PKD2: variants seen among roughly 807,000 people sequenced by gnomAD.
The protein encoded by PKD2 is polycystin-2.
In PKD2, 48 loss-of-function variants were observed where a neutral mutation model predicts 105.9. That is an observed-to-expected ratio of 0.45 (90% CI 0.36 to 0.58). The LOEUF is 0.58. PKD2 is among the 20% of genes least tolerant of loss of function. The pLI is 0.00. For synonymous variants in PKD2, 464 were observed against 481.1 expected (o/e 0.96, Z 0.46); for missense variants, 1,078 against 1,255.3 (o/e 0.86, Z 2.13).
In PKD2 at chr4:88,045,083, A is replaced by G. The variant is rs139142221; in HGVS notation, c.1320-1559A>G. On this transcript the variant is annotated intron_variant, in intron 5 of 14. Coordinates refer to ENST00000237596, the MANE Select transcript of PKD2 (RefSeq NM_000297.4). ...ATATTTTAGTAAATTCTATTTATAG[A>G]AGGTCTTGAGTATTTCTTCTGCTTC... Among the ~76,000 whole-genome samples, 308 of 152,366 alleles carry G rather than the reference A, an allele frequency of 2.0e-3. 1 individual carries two copies. Among genetic ancestry groups the G allele is most frequent in the African/African-American group, 6.9e-3 (289 of 41,592 alleles).
At chr4:88,017,114 G>A (rs990319381) in intron 1 of PKD2, among the ~76,000 whole-genome samples, 2 of 151,998 alleles carry the variant, frequency 1.3e-5, no homozygotes, top group Admixed American at 1.3e-4. Flanking sequence ...ACTTGAGGCC[G>A]AGAATTCGAG....
intron 9 of PKD2, among the ~76,000 whole-genome samples, chr4:88,058,682 A>G (rs1406457056): frequency 6.6e-6 from 1 of 152,220 alleles, no homozygotes; most frequent in Non-Finnish European, 1.5e-5. Context: ...GAGACTGCCT[A>G]CAGAGAATAT....
intron 4 of PKD2, among the ~76,000 whole-genome samples, chr4:88,041,543 A>G (rs1052369322): frequency 5.9e-5 from 9 of 152,220 alleles, no homozygotes; most frequent in Non-Finnish European, 1.5e-5. Flanking sequence ...GTGAGGTCAC[A>G]TAGGATGTGC....
chr4:88,061,886 C>T lies in PKD2; in HGVS notation c.2020-20C>T. The T allele has an allele frequency of 8.6e-7, 1 of 1,160,592 alleles. No homozygotes were observed. Among genetic ancestry groups the T allele is most frequent in the Non-Finnish European group, 1.3e-6 (1 of 768,408 alleles). The allele number at this position is 1,160,592 out of a possible 1,614,324, so 71.9% of individuals were successfully genotyped here. ...TATGTTTCTTCCTTTAATTTTTGCC[C>T]TCCTTTCATTTACAAACAGAATATG... On this transcript the variant is annotated intron_variant, in intron 9 of 14. Coordinates refer to ENST00000237596, the MANE Select transcript of PKD2 (RefSeq NM_000297.4).
Position 88,077,672 on chromosome 4 carries a change from T to TTGTG in PKD2, c.*1979_*1980insGTGT. ...TATTATCTTTCCCTGTGTACTGGTA[T>TTGTG]TATTAAAAAGACATTACATACGCAA... On this transcript the variant is annotated 3_prime_UTR_variant, in exon 15 of 15. Transcript: ENST00000237596. The TTGTG allele has an allele frequency of 6.6e-6, 1 of 152,334 alleles. No homozygotes were observed. The allele number at this position is 152,334 out of a possible 1,614,324, so 9.4% of individuals were successfully genotyped here.
rs552429733 is a variant in PKD2 at position 88,058,493 on chromosome 4, A to ATAT, written c.2019+391_2019+393dup. Among the ~76,000 whole-genome samples, 12 of 152,286 alleles carry ATAT rather than the reference A, an allele frequency of 7.9e-5. No homozygotes were observed. The East Asian group carries it at 2.3e-3, about 29-fold the overall frequency. On this transcript the variant is annotated intron_variant, in intron 9 of 14. Transcript: ENST00000237596. ...ATATGCTTACATGCTTTTTAAACTC[A>ATAT]TATGTCAGCACTTTCGTAGTCACTT...
intron 2 of PKD2, among the ~76,000 whole-genome samples, chr4:88,033,050 T>C (rs891169095): frequency 1.4e-4 from 22 of 152,088 alleles, no homozygotes; most frequent in African/African-American, 5.3e-4. Flanking sequence ...CCACCAGAGT[T>C]TGTAGAGCTG....
intron 7 of PKD2, among the ~76,000 whole-genome samples, chr4:88,052,604 CAT>C (rs748156213): frequency 1.2e-4 from 19 of 152,238 alleles, no homozygotes; most frequent in African/African-American, 2.4e-4. Flanking sequence ...TATTGAGACT[CAT>C]GTGATCATTC....
chr4:88,062,353 T>C (rs987799986), intron 10 of PKD2, among the ~76,000 whole-genome samples: 4 of 152,150 alleles, frequency 2.6e-5, no homozygotes, highest in African/African-American at 9.7e-5. Flanking sequence ...GAAGGGAAGA[T>C]TATATAAAGG....
chr4:88,010,506 C>T (rs1726350186), intron 1 of PKD2, among the ~76,000 whole-genome samples: 1 of 152,214 alleles, frequency 6.6e-6, no homozygotes, highest in African/African-American at 2.4e-5. Flanking sequence ...CCCCTGCCCC[C>T]TTTGGATACT....
chr4:88,025,595 C>G (rs185353007), intron 2 of PKD2, among the ~76,000 whole-genome samples: 9 of 143,294 alleles, frequency 6.3e-5, no homozygotes, highest in African/African-American at 2.3e-4. Context: ...GCCTGGGTGA[C>G]AGAGCAAGAC....
At chr4:88,043,634 G>A (rs1354671572) in intron 5 of PKD2, among the ~76,000 whole-genome samples, 177 bp downstream of exon 5, 1 of 152,212 alleles carries the variant, frequency 6.6e-6, no homozygotes, top group African/African-American at 2.4e-5. Flanking sequence ...GATATTTGAG[G>A]AAGGGAGTTG....
Position 88,010,169 on chromosome 4 carries a change from A to C in PKD2, c.595+1841A>C, listed in dbSNP as rs748704099. On this transcript the variant is annotated intron_variant, in intron 1 of 14. Transcript: ENST00000237596. ...GAGTGCGGGGAAGCAAACGTAGCTC[A>C]CTGCGGCCTCAAACTCCTGGGCTCA... Among the ~76,000 whole-genome samples, 3 of 151,750 alleles carry C rather than the reference A, an allele frequency of 2.0e-5. No individual in the cohort carries two copies. The East Asian group carries it at 5.8e-4, about 29-fold the overall frequency.
At chr4:88,058,568 C>A (rs188865277) in intron 9 of PKD2, among the ~76,000 whole-genome samples, 1 of 152,118 alleles carries the variant, frequency 6.6e-6, no homozygotes, top group African/African-American at 2.4e-5. Flanking sequence ...AAAATAAGAA[C>A]GGAAAAGCAA....
intron 2 of PKD2, among the ~76,000 whole-genome samples, chr4:88,031,628 A>G (rs1727156299): frequency 6.6e-6 from 1 of 152,188 alleles, no homozygotes; most frequent in African/African-American, 2.4e-5. Context: ...AAAAAATTTA[A>G]TTTCTTAACA....
intron 2 of PKD2, among the ~76,000 whole-genome samples, chr4:88,027,269 G>T (rs1026744226): frequency 1.3e-5 from 2 of 152,228 alleles, no homozygotes; most frequent in Non-Finnish European, 2.9e-5. Flanking sequence ...CAGAGGTGGA[G>T]CTGTCCAAGG....
chr4:88,057,625 G>A lies in PKD2; in HGVS notation c.1899-358G>A, dbSNP rs548462810. Among the ~76,000 whole-genome samples, 20 of 151,826 alleles carry A rather than the reference G, an allele frequency of 1.3e-4. No homozygotes were observed. The East Asian group carries it at 2.1e-3, about 16-fold the overall frequency. On this transcript the variant is annotated intron_variant, in intron 8 of 14. Coordinates refer to ENST00000237596, the MANE Select transcript of PKD2 (RefSeq NM_000297.4). ...TAATTTTTGTATTTTTAGTAGAGAC[G>A]GGGTTTCACTATATTGGCCAGGCTG...
At chr4:88,063,929 T>C (rs894256010) in intron 10 of PKD2, among the ~76,000 whole-genome samples, 3 of 152,110 alleles carry the variant, frequency 2.0e-5, no homozygotes, top group African/African-American at 7.2e-5. Flanking sequence ...CCAAGGTGGG[T>C]GGATCACTTG....
intron 1 of PKD2, among the ~76,000 whole-genome samples, chr4:88,009,670 A>G (rs11943053): frequency 6.6e-6 from 1 of 152,232 alleles, no homozygotes; most frequent in Admixed American, 6.5e-5. Context: ...TAATTTTATT[A>G]AAAGCATGAT....
Sources: gnomAD v4.1 joint callset for allele counts (sites outside exome capture counted in the v4.1 genomes callset) on GRCh38, gnomAD v4.1.1 for gene constraint, MANE v1.5 for transcripts, NCBI Gene and HGNC (gene_info 2026-07-23, HGNC 2026-07-21) for gene names.